SMAP1: variants seen among roughly 807,000 people sequenced by gnomAD.
SMAP1 encodes the protein small ArfGAP 1.
A neutral mutation model predicts 58.5 loss-of-function variants in SMAP1; 24 were observed. That is an observed-to-expected ratio of 0.41 (90% CI 0.30 to 0.58). The LOEUF is 0.58. SMAP1 is among the 20% of genes least tolerant of loss of function. The pLI, the probability that SMAP1 is intolerant of heterozygous loss-of-function variation, is 0.29. For missense variants in SMAP1, 563 were observed against 566.3 expected (o/e 0.99, Z 0.06); for synonymous variants, 216 against 196.6 (o/e 1.10, Z -0.82).
In SMAP1 at chr6:70,804,547, C is replaced by T. The variant is rs145654331; in HGVS notation, c.576+5810C>T. Among the ~76,000 whole-genome samples, 251 of 152,090 alleles carry T rather than the reference C, an allele frequency of 1.7e-3. 1 individual carries two copies. Among genetic ancestry groups the T allele is most frequent in the African/African-American group, 5.7e-3 (235 of 41,506 alleles). On this transcript the variant is annotated intron_variant, in intron 6 of 10. Coordinates refer to ENST00000370455, the MANE Select transcript of SMAP1 (RefSeq NM_001044305.3). ...AATGAGATCCTGTCATTATGATGTT[C>T]GCTGGTTATTTTGACCTTTAATTGA...
Position 70,699,842 on chromosome 6 carries a change from G to C in SMAP1, c.118+31701G>C, listed in dbSNP as rs539128313. On this transcript the variant is annotated intron_variant, in intron 1 of 10. Transcript: ENST00000370455. The stretch of plus-strand genomic sequence containing the variant: ...GGGTGGGTCCAGAAATGCCATCCAG[G>C]AGCCAAGGCCTGGAATCTGGGATCC... Among the ~76,000 whole-genome samples the C allele has an allele frequency of 3.3e-5, 5 of 152,142 alleles. No homozygotes were observed. In the East Asian group the frequency reaches 9.7e-4, roughly 30 times the overall value.
intron 1 of SMAP1, among the ~76,000 whole-genome samples, chr6:70,686,105 G>T (rs1766926537): frequency 6.6e-6 from 1 of 152,058 alleles, no homozygotes; most frequent in South Asian, 2.1e-4. Flanking sequence ...TTTTTTGGTA[G>T]ACATTAAAAC....
chr6:70,694,070 C>T lies in SMAP1; in HGVS notation c.118+25929C>T, dbSNP rs1164523012. The T allele has an allele frequency of 1.4e-4, 29 of 211,876 alleles. No individual in the cohort carries two copies. In the East Asian group the frequency reaches 3.9e-3, roughly 29 times the overall value. 13.1% of individuals were successfully genotyped at this position (211,876 alleles called of 1,614,324 possible). On this transcript the variant is annotated intron_variant, in intron 1 of 10. Coordinates refer to ENST00000370455, the MANE Select transcript of SMAP1 (RefSeq NM_001044305.3). ...ACAGGTGCCCAGGAAACTATACCAA[C>T]CCTCTTGAAGTTCAAATGGTTGTAA...
chr6:70,719,896 G>C (rs1768444428), intron 1 of SMAP1, among the ~76,000 whole-genome samples: 1 of 152,148 alleles, frequency 6.6e-6, no homozygotes, highest in Non-Finnish European at 1.5e-5. Context: ...TACAATTCAA[G>C]TTGAGATTTA....
intron 1 of SMAP1, among the ~76,000 whole-genome samples, chr6:70,729,459 T>TTTGTGTGTG (rs1491434129): frequency 1.6e-5 from 2 of 128,164 alleles, no homozygotes; most frequent in African/African-American, 2.9e-5. Context: ...AAAAAGAAGG[T>TTTGTGTGTG]TGTGTGTGTG....
intron 5 of SMAP1, among the ~76,000 whole-genome samples, chr6:70,796,933 A>T (rs1768631085): frequency 6.6e-6 from 1 of 152,126 alleles, no homozygotes; most frequent in Non-Finnish European, 1.5e-5. Flanking sequence ...TGGAAATTCT[A>T]TCCATGTATT....
At chr6:70,850,018 A>G (rs1331007288) in intron 7 of SMAP1, among the ~76,000 whole-genome samples, 1 of 152,192 alleles carries the variant, frequency 6.6e-6, no homozygotes, top group Non-Finnish European at 1.5e-5. Context: ...AAACCAAGTA[A>G]TATGCTGTGT....
chr6:70,765,107 C>T (rs1766912401), intron 3 of SMAP1, among the ~76,000 whole-genome samples: 1 of 152,150 alleles, frequency 6.6e-6, no homozygotes, highest in Admixed American at 6.6e-5. Flanking sequence ...AGCCAGAAAA[C>T]TTGTCTTTAT....
chr6:70,860,377 C>G lies in SMAP1; in HGVS notation c.*43C>G. 1 of 1,571,624 alleles carries G rather than the reference C, an allele frequency of 6.4e-7. No individual in the cohort carries two copies. Among genetic ancestry groups the G allele is most frequent in the Non-Finnish European group, 8.6e-7 (1 of 1,159,602 alleles). On this transcript the variant is annotated 3_prime_UTR_variant, in exon 11 of 11. Coordinates refer to ENST00000370455, the MANE Select transcript of SMAP1 (RefSeq NM_001044305.3). Reference sequence around the variant, plus strand: ...TCATCCAGAACTACCACCTGACATTCCTTGCTGAAACGCATCTAGTTCCCC... The same window carrying G: ...TCATCCAGAACTACCACCTGACATTGCTTGCTGAAACGCATCTAGTTCCCC...
At chr6:70,702,470 CTTGA>C (rs1767673133) in intron 1 of SMAP1, among the ~76,000 whole-genome samples, 1 of 151,618 alleles carries the variant, frequency 6.6e-6, no homozygotes, top group Non-Finnish European at 1.5e-5. Flanking sequence ...GTTTTTTCTT[CTTGA>C]TTGTCTCATC....
chr6:70,782,901 G>A lies in SMAP1; in HGVS notation c.415-8788G>A, dbSNP rs142399900. 6.0e-4 allele frequency among the ~76,000 whole-genome samples: 91 copies of A among 152,256 alleles called. No individual in the cohort carries two copies. The East Asian group carries it at 0.016, about 27-fold the overall frequency. On this transcript the variant is annotated intron_variant, in intron 4 of 10. Coordinates refer to ENST00000370455, the MANE Select transcript of SMAP1 (RefSeq NM_001044305.3). ...AGCCTGAGTGACGGAGAAGACGGGT[G>A]ATTTCTGCATTTCCATCTGAGCTTT...
At chr6:70,681,685 T>G (rs1766715991) in intron 1 of SMAP1, among the ~76,000 whole-genome samples, 1 of 152,178 alleles carries the variant, frequency 6.6e-6, no homozygotes, top group Non-Finnish European at 1.5e-5. Flanking sequence ...TGTTTTTTAT[T>G]TGTGTGTGCC....
At chr6:70,860,049 C>A in intron 10 of SMAP1, 151 bp from the exon 11 acceptor site, 1 of 808,556 alleles carries the variant, frequency 1.2e-6, no homozygotes, top group Non-Finnish European at 1.8e-6. Flanking sequence ...TAGCTATTTG[C>A]TTTAAGAAAT....
At chr6:70,770,876 G>T (rs1767263272) in intron 3 of SMAP1, among the ~76,000 whole-genome samples, 1 of 152,042 alleles carries the variant, frequency 6.6e-6, no homozygotes, top group African/African-American at 2.4e-5. Flanking sequence ...CCATCTTTGT[G>T]GTTTTATCTA....
At chr6:70,759,220 T>C (rs1436594744) in intron 3 of SMAP1, among the ~76,000 whole-genome samples, 1 of 152,020 alleles carries the variant, frequency 6.6e-6, no homozygotes, top group Non-Finnish European at 1.5e-5. Context: ...AAATCAGCAT[T>C]GTAGGTGGTT....
chr6:70,836,027 G>A (rs1371414389), intron 6 of SMAP1, among the ~76,000 whole-genome samples: 1 of 152,060 alleles, frequency 6.6e-6, no homozygotes, highest in African/African-American at 2.4e-5. Context: ...CATTTCATTA[G>A]GCTTTTCCTG....
chr6:70,735,667 A>G (rs1328695007), intron 2 of SMAP1, among the ~76,000 whole-genome samples: 1 of 152,124 alleles, frequency 6.6e-6, no homozygotes, highest in African/African-American at 2.4e-5. Context: ...TACTCTGGAA[A>G]GTGAGGTGGG....
At chr6:70,848,109 A>G (rs750908006) in intron 7 of SMAP1, among the ~76,000 whole-genome samples, 1 of 152,202 alleles carries the variant, frequency 6.6e-6, no homozygotes, top group Non-Finnish European at 1.5e-5. Context: ...TTTATTAATC[A>G]GCAAAGACCA....
At chr6:70,785,598 A>C (rs1469088957) in intron 4 of SMAP1, among the ~76,000 whole-genome samples, 1 of 152,220 alleles carries the variant, frequency 6.6e-6, no homozygotes, top group Non-Finnish European at 1.5e-5. Context: ...AAATAGACGC[A>C]ATAAAAAATG....
Sources: gnomAD v4.1 joint callset for allele counts (sites outside exome capture counted in the v4.1 genomes callset) on GRCh38, gnomAD v4.1.1 for gene constraint, MANE v1.5 for transcripts, NCBI Gene and HGNC (gene_info 2026-07-23, HGNC 2026-07-21) for gene names.